NTM: variants seen among roughly 807,000 people sequenced by gnomAD.
NTM encodes the protein neurotrimin, also known as IgLON family member 2.
NTM carries 13 observed loss-of-function variants against 42.1 expected under a neutral mutation model. The ratio of observed to expected loss-of-function variants is 0.31; its 90% CI spans 0.20 to 0.49. NTM has a LOEUF of 0.49. Ranked by LOEUF, NTM falls within the 20% of genes least tolerant of loss-of-function variation. NTM has a pLI of 0.99. For missense variants in NTM, 373 were observed against 452.8 expected, an observed-to-expected ratio of 0.82 and a Z score of 1.60; for synonymous variants, 187 against 179.2, an observed-to-expected ratio of 1.04 and a Z score of -0.35.
intron 1 of NTM, among the ~76,000 whole-genome samples, chr11:131,410,721 C>T (rs1946311241): frequency 6.6e-6 from 1 of 151,930 alleles, no homozygotes; most frequent in Non-Finnish European, 1.5e-5. Flanking sequence ...CTGATTACGG[C>T]CTTTGCTTTA....
At chr11:132,105,835 A>G (rs1430462488) in intron 2 of NTM, among the ~76,000 whole-genome samples, 7 of 152,154 alleles carry the variant, frequency 4.6e-5, no homozygotes, top group Admixed American at 2.0e-4. Context: ...TCTCCGTTTT[A>G]ACCTAAAGAT....
chr11:132,116,941 G>A (rs1023271688), intron 2 of NTM, among the ~76,000 whole-genome samples: 1 of 151,996 alleles, frequency 6.6e-6, no homozygotes, highest in Non-Finnish European at 1.5e-5. Flanking sequence ...GAAAAGTAAG[G>A]GGGAAACTAT....
At chr11:131,539,551 A>T (rs2052854496) in intron 1 of NTM, 1 of 152,266 alleles carries the variant, frequency 6.6e-6, no homozygotes, top group African/African-American at 2.4e-5. Flanking sequence ...ACACACAGAT[A>T]GTGCCGTGAT....
rs370927910 is a variant in NTM at position 131,828,662 on chromosome 11, A to G, written c.83-82902A>G. The stretch of plus-strand genomic sequence containing the variant: ...CACTACCACCACCACTGTTACTACT[A>G]TCTGATTGTGATCACCCACTGTCTT... On this transcript the variant is annotated intron_variant, in intron 1 of 8. Transcript: ENST00000683400. Among the ~76,000 whole-genome samples, 347 of 152,186 alleles carry G rather than the reference A, an allele frequency of 2.3e-3. 1 individual carries two copies. The Middle Eastern group carries it at 0.024, about 10-fold the overall frequency.
chr11:132,086,807 T>C (rs969665426), intron 2 of NTM, among the ~76,000 whole-genome samples: 3 of 152,216 alleles, frequency 2.0e-5, no homozygotes, highest in Non-Finnish European at 4.4e-5. Flanking sequence ...GTCAGGCTTC[T>C]GGGTTCTCTT....
At chr11:132,105,294 A>G (rs894633055) in intron 2 of NTM, among the ~76,000 whole-genome samples, 1 of 152,038 alleles carries the variant, frequency 6.6e-6, no homozygotes, top group Non-Finnish European at 1.5e-5. Flanking sequence ...AACTTGGAAC[A>G]TAGAAAATTC....
intron 1 of NTM, among the ~76,000 whole-genome samples, chr11:131,371,958 G>T (rs1324095334): frequency 6.6e-6 from 1 of 152,210 alleles, no homozygotes; most frequent in Non-Finnish European, 1.5e-5. Flanking sequence ...CCAGAGGAAA[G>T]TTCCCTCTGA....
intron 2 of NTM, among the ~76,000 whole-genome samples, chr11:132,063,179 C>A (rs912089454): frequency 6.6e-6 from 1 of 152,136 alleles, no homozygotes; most frequent in African/African-American, 2.4e-5. Context: ...TCTCCTCTCC[C>A]TTTTGGGAGC....
intron 2 of NTM, among the ~76,000 whole-genome samples, chr11:132,022,072 C>A (rs933141766): frequency 6.6e-6 from 1 of 152,172 alleles, no homozygotes; most frequent in Non-Finnish European, 1.5e-5. Flanking sequence ...GTGTCACTCA[C>A]CATTCAAAGT....
intron 1 of NTM, among the ~76,000 whole-genome samples, chr11:131,716,846 G>A (rs2135360087): frequency 6.6e-6 from 1 of 152,120 alleles, no homozygotes; most frequent in African/African-American, 2.4e-5. Context: ...TTTTGTTGTT[G>A]TTGTTGTTGT....
intron 1 of NTM, among the ~76,000 whole-genome samples, chr11:131,408,183 T>C (rs1045423659): frequency 2.0e-5 from 3 of 152,198 alleles, no homozygotes; most frequent in African/African-American, 7.2e-5. Flanking sequence ...GTGATTGCTC[T>C]GGTCCAGGAA....
chr11:132,099,576 T>C (rs1215278133), intron 2 of NTM, among the ~76,000 whole-genome samples: 1 of 152,102 alleles, frequency 6.6e-6, no homozygotes, highest in East Asian at 1.9e-4. Flanking sequence ...CCGGGTAGGT[T>C]ATCAGTGGGT....
intron 1 of NTM, among the ~76,000 whole-genome samples, chr11:131,533,093 GTTGTTC>G (rs947356216): frequency 4.6e-5 from 7 of 152,168 alleles, no homozygotes; most frequent in East Asian, 3.9e-4. Flanking sequence ...TTTTATTGTT[GTTGTTC>G]TTGTTCTTGT....
At chr11:131,773,640 G>A (rs894424971) in intron 1 of NTM, among the ~76,000 whole-genome samples, 1 of 152,166 alleles carries the variant, frequency 6.6e-6, no homozygotes, top group African/African-American at 2.4e-5. Context: ...AAAGTTGAAT[G>A]GATTTCTTTG....
At position 131,370,715 on chromosome 11, in the gene NTM, A is replaced by G. The variant is rs1369237706; in HGVS notation, c.-92A>G. Reference sequence around the variant, plus strand: ...AAACAGTGGATTTAAATCTCCTTGCACAAGCTTGAGAGCAACACAATCTAT... The same window carrying G: ...AAACAGTGGATTTAAATCTCCTTGCGCAAGCTTGAGAGCAACACAATCTAT... On this transcript the variant is annotated 5_prime_UTR_variant, in exon 1 of 9. Transcript: ENST00000683400. 1.1e-5 allele frequency: 12 copies of G among 1,107,086 alleles called. No individual in the cohort carries two copies. The highest frequency in any genetic ancestry group is 1.2e-5 in the Non-Finnish European group (9 of 757,880). 68.6% of individuals were successfully genotyped at this position (1,107,086 alleles called of 1,614,324 possible). A position where few individuals can be genotyped will look rare whatever the true frequency, so the allele number is the denominator to read the frequency against.
At chr11:132,247,774 T>C (rs985317969) in intron 4 of NTM, among the ~76,000 whole-genome samples, 3 of 152,156 alleles carry the variant, frequency 2.0e-5, no homozygotes, top group African/African-American at 7.2e-5. Context: ...GGATTTCCCT[T>C]CTTTTCTCTG....
chr11:132,297,271 G>A (rs3099806), intron 4 of NTM, among the ~76,000 whole-genome samples: 33,993 of 152,092 alleles, frequency 0.22, 3,912 homozygotes, highest in Middle Eastern at 0.3. Flanking sequence ...CAGGTTTTCT[G>A]CTCCCTCTGT....
intron 4 of NTM, among the ~76,000 whole-genome samples, chr11:132,287,399 G>A (rs1248102441): frequency 6.6e-6 from 1 of 152,186 alleles, no homozygotes; most frequent in African/African-American, 2.4e-5. Flanking sequence ...TAACTTGAGA[G>A]AAGCATTCTT....
chr11:131,890,916 T>C (rs575647668), intron 1 of NTM, among the ~76,000 whole-genome samples: 29 of 152,314 alleles, frequency 1.9e-4, no homozygotes, highest in African/African-American at 6.0e-4. Context: ...TTCAACCTTT[T>C]CTGTCCTCAT....
Sources: gnomAD v4.1 joint callset for allele counts (sites outside exome capture counted in the v4.1 genomes callset) on GRCh38, gnomAD v4.1.1 for gene constraint, MANE v1.5 for transcripts, NCBI Gene and HGNC (gene_info 2026-07-23, HGNC 2026-07-21) for gene names.